The following CA10 variants were observed in gnomAD, a reference collection of about 807,000 sequenced individuals.
CA10 encodes carbonic anhydrase 10 (inactive).
A neutral mutation model predicts 44.2 loss-of-function variants in CA10; 14 were observed. The ratio of observed to expected loss-of-function variants is 0.32; its 90% CI spans 0.21 to 0.50. The LOEUF (loss-of-function observed/expected upper bound fraction) is 0.50, where lower values mean the gene tolerates loss of function less well. Among genes scored for constraint, CA10 ranks in the 20% least tolerant of loss-of-function variants. The probability of loss-of-function intolerance (pLI) is 0.99; values close to 1 mark genes in which losing one functional copy is unlikely to be tolerated. For synonymous variants in CA10, 159 were observed against 141.6 expected (o/e 1.12, Z -0.87); for missense variants, 350 against 409.7 (o/e 0.85, Z 1.26).
rs72832670 is a variant in CA10 at position 51,778,457 on chromosome 17, T to G, written c.280-30639A>C. 9.2e-3 allele frequency among the ~76,000 whole-genome samples: 1,405 copies of G among 152,288 alleles called. 5 individuals are homozygous for G. Among genetic ancestry groups the G allele is most frequent in the Non-Finnish European group, 0.012 (791 of 68,022 alleles). On this transcript the variant is annotated intron_variant, in intron 3 of 8. Coordinates refer to ENST00000451037, the MANE Select transcript of CA10 (RefSeq NM_020178.5). ...TATATGAGTACTCTTCAGATAGCTT[T>G]CTAAGGATAAGGCCACCGAATAGGT...
At chr17:51,655,671 T>G (rs975820881) in intron 4 of CA10, among the ~76,000 whole-genome samples, 1 of 152,210 alleles carries the variant, frequency 6.6e-6, no homozygotes, top group Admixed American at 6.5e-5. Flanking sequence ...TAGAGGGAAG[T>G]TGGACTTCAG....
At chr17:51,976,430 T>C (rs1984464711) in intron 2 of CA10, among the ~76,000 whole-genome samples, 1 of 152,144 alleles carries the variant, frequency 6.6e-6, no homozygotes, top group Admixed American at 6.6e-5. Context: ...CTGTCATACA[T>C]TAAAAGTTAA....
chr17:51,926,618 AG>A (rs1431665114), intron 3 of CA10, among the ~76,000 whole-genome samples: 3 of 152,306 alleles, frequency 2.0e-5, no homozygotes, highest in African/African-American at 7.2e-5. Context: ...TGCGCTTTGC[AG>A]CTTCCAGAGG....
chr17:51,912,819 A>G (rs1158193773), intron 3 of CA10, among the ~76,000 whole-genome samples: 1 of 152,252 alleles, frequency 6.6e-6, no homozygotes, highest in Non-Finnish European at 1.5e-5. Context: ...AGTACAATGT[A>G]TATTTTATCT....
chr17:51,717,438 T>G (rs1222854118), intron 4 of CA10, among the ~76,000 whole-genome samples: 3 of 150,626 alleles, frequency 2.0e-5, no homozygotes, highest in Non-Finnish European at 4.4e-5. Context: ...AAGATACTTG[T>G]GCACGCATAT....
intron 3 of CA10, among the ~76,000 whole-genome samples, chr17:51,824,263 G>T (rs1414581172): frequency 1.3e-5 from 2 of 152,160 alleles, no homozygotes; most frequent in Non-Finnish European, 1.5e-5. Flanking sequence ...GCTGGGATCA[G>T]ATCTGAGCCA....
At chr17:52,037,268 G>A (rs969691618) in intron 2 of CA10, among the ~76,000 whole-genome samples, 1 of 152,116 alleles carries the variant, frequency 6.6e-6, no homozygotes, top group Non-Finnish European at 1.5e-5. Context: ...TCACACCAAT[G>A]CTTAAAAAGT....
chr17:51,872,629 C>T (rs968187390), intron 3 of CA10, among the ~76,000 whole-genome samples: 1 of 152,150 alleles, frequency 6.6e-6, no homozygotes, highest in Non-Finnish European at 1.5e-5. Context: ...AGGTCCTGAA[C>T]AAATAGAGAC....
chr17:51,668,713 C>G (rs56274933), intron 4 of CA10, among the ~76,000 whole-genome samples: 1 of 152,134 alleles, frequency 6.6e-6, no homozygotes, highest in African/African-American at 2.4e-5. Context: ...ACTGTGGGAG[C>G]CCCTCTCTGG....
chr17:52,135,858 C>T (rs184032978), intron 1 of CA10, among the ~76,000 whole-genome samples: 1 of 152,142 alleles, frequency 6.6e-6, no homozygotes, highest in African/African-American at 2.4e-5. Flanking sequence ...TCCTGGCTTC[C>T]CCATTGCTCT....
intron 1 of CA10, among the ~76,000 whole-genome samples, chr17:52,092,464 C>T (rs1988292759): frequency 6.6e-6 from 1 of 152,114 alleles, no homozygotes; most frequent in African/African-American, 2.4e-5. Flanking sequence ...GGTAATGAGT[C>T]CCCGTGGACC....
intron 3 of CA10, chr17:51,761,565 C>T (rs1352755137): frequency 6.6e-6 from 1 of 152,160 alleles, no homozygotes; most frequent in Non-Finnish European, 1.5e-5. Flanking sequence ...TTCCCAGGGG[C>T]TTTCATTTCA....
chr17:51,894,008 A>G (rs187144609), intron 3 of CA10, among the ~76,000 whole-genome samples: 2 of 152,306 alleles, frequency 1.3e-5, no homozygotes, highest in African/African-American at 4.8e-5. Flanking sequence ...ATTAAATGAC[A>G]TAAGATATTC....
At chr17:51,654,713 C>T (rs966016221) in intron 4 of CA10, among the ~76,000 whole-genome samples, 12 of 152,022 alleles carry the variant, frequency 7.9e-5, no homozygotes, top group East Asian at 3.9e-4. Context: ...CATGTCACCA[C>T]GCCAGGCTAA....
chr17:51,796,949 C>G (rs936351433), intron 3 of CA10, among the ~76,000 whole-genome samples: 1 of 152,092 alleles, frequency 6.6e-6, no homozygotes, highest in Non-Finnish European at 1.5e-5. Context: ...GGTGACCTCC[C>G]TAACAATTAT....
chr17:51,786,753 A>G (rs1906303033), intron 3 of CA10, among the ~76,000 whole-genome samples: 3 of 152,074 alleles, frequency 2.0e-5, no homozygotes, highest in African/African-American at 7.2e-5. Flanking sequence ...GTTATGTTCC[A>G]GTTCTTGGAG....
intron 2 of CA10, among the ~76,000 whole-genome samples, chr17:51,939,090 A>G (rs941946665): frequency 4.6e-5 from 7 of 152,104 alleles, no homozygotes; most frequent in African/African-American, 1.7e-4. Flanking sequence ...ATCATTCAAC[A>G]TCTTTCAGTA....
intron 2 of CA10, among the ~76,000 whole-genome samples, chr17:51,981,333 T>C (rs1378479278): frequency 6.6e-6 from 1 of 152,044 alleles, no homozygotes; most frequent in Non-Finnish European, 1.5e-5. Context: ...AGTGAAATGC[T>C]GTCTGGAAGT....
intron 3 of CA10, among the ~76,000 whole-genome samples, chr17:51,835,096 G>A (rs1331335783): frequency 6.6e-6 from 1 of 152,168 alleles, no homozygotes; most frequent in Non-Finnish European, 1.5e-5. Context: ...TGCCCCGGCT[G>A]CTCAATGGTG....
Sources: allele counts gnomAD v4.1 joint callset (sites outside exome capture counted in the v4.1 genomes callset), GRCh38; gene constraint gnomAD v4.1.1; transcripts MANE v1.5; gene names NCBI Gene and HGNC (gene_info 2026-07-23, HGNC 2026-07-21).